WNK3: variants seen among roughly 807,000 people sequenced by gnomAD.
WNK3 encodes the protein WNK lysine deficient protein kinase 3.
Under a neutral mutation model 116.7 loss-of-function variants are expected in WNK3, and 18 were observed. The ratio of observed to expected loss-of-function variants is 0.15; its 90% CI spans 0.11 to 0.23. The LOEUF is 0.23. WNK3 is among the 10% of genes least tolerant of loss of function. The pLI is 1.00. For missense variants in WNK3, 993 were observed against 1,323.8 expected (o/e 0.75, Z 3.88); for synonymous variants, 404 against 469.4 (o/e 0.86, Z 1.80).
chrX:54,343,181 G>A (rs781859221), intron 1 of WNK3, among the ~76,000 whole-genome samples: 70 of 110,404 alleles, frequency 6.3e-4, no homozygotes, highest in South Asian at 1.2e-3. Context: ...GTATATGTGG[G>A]GCCATCGTGG....
At chrX:54,261,279 AAGAC>A (rs1314731647) in intron 10 of WNK3, among the ~76,000 whole-genome samples, 1 of 109,995 alleles carries the variant, frequency 9.1e-6, no homozygotes, top group Non-Finnish European at 1.9e-5. Context: ...GAAAAAGAAA[AAGAC>A]AAGACAAGAC....
chrX:54,316,472 G>A (rs1033446096), intron 2 of WNK3, among the ~76,000 whole-genome samples: 2 of 105,838 alleles, frequency 1.9e-5, no homozygotes, highest in Admixed American at 1.0e-4. Flanking sequence ...CCCAGGAGGC[G>A]GAGGTTGCAG....
At position 54,333,768 on chromosome X, in the gene WNK3, C is replaced by A. The variant is rs1270293411; in HGVS notation, c.-95G>T. 1.1e-5 allele frequency: 7 copies of A among 646,416 alleles called. No individual in the cohort carries two copies. In the East Asian group the frequency reaches 2.4e-4, roughly 22 times the overall value. The allele number at this position is 646,416 out of a possible 1,213,427, so 53.3% of individuals were successfully genotyped here. ...AATTATCAGAATGGACTTCCTTTTG[C>A]GTGGTCATGTATTTCCATAGCAACC... On this transcript the variant is annotated 5_prime_UTR_variant, in exon 2 of 24. Transcript: ENST00000354646.
At chrX:54,289,455 G>A (rs1569537983) in intron 10 of WNK3, among the ~76,000 whole-genome samples, 1 of 111,168 alleles carries the variant, frequency 9.0e-6, no homozygotes, top group Non-Finnish European at 1.9e-5. Context: ...TATTCCAGGG[G>A]CTGAATCACA....
At chrX:54,271,651 T>C (rs2068385213) in intron 10 of WNK3, among the ~76,000 whole-genome samples, 1 of 112,323 alleles carries the variant, frequency 8.9e-6, no homozygotes, top group Non-Finnish European at 1.9e-5. Context: ...ATAAAATTAT[T>C]TTAAAAAGCT....
At chrX:54,341,354 G>A (rs1412888901) in intron 1 of WNK3, among the ~76,000 whole-genome samples, 3 of 109,783 alleles carry the variant, frequency 2.7e-5, no homozygotes, top group African/African-American at 9.9e-5. Context: ...CCAAGATGGC[G>A]CCACTTCACT....
At chrX:54,228,854 C>T (rs1603377165) in intron 21 of WNK3, 111 bp from the exon 22 acceptor site, 7 of 379,764 alleles carry the variant, frequency 1.8e-5, no homozygotes, top group East Asian at 1.7e-4. Context: ...AGGGCATATA[C>T]GAAAACTTAC....
At chrX:54,230,044 C>T (rs1485882144) in intron 21 of WNK3, among the ~76,000 whole-genome samples, 4 of 111,296 alleles carry the variant, frequency 3.6e-5, no homozygotes, top group African/African-American at 1.3e-4. Context: ...CACAAACTTT[C>T]GCTCTGCCAA....
chrX:54,275,861 G>A (rs1557160619), intron 10 of WNK3, among the ~76,000 whole-genome samples: 1 of 110,641 alleles, frequency 9.0e-6, no homozygotes, highest in African/African-American at 3.3e-5. Context: ...ATATCATGTT[G>A]ACATTAAGCA....
At chrX:54,219,434 C>T (rs1278480722) in intron 22 of WNK3, among the ~76,000 whole-genome samples, 7 of 109,576 alleles carry the variant, frequency 6.4e-5, no homozygotes, top group Non-Finnish European at 1.1e-4. Flanking sequence ...AATCCCAGTA[C>T]TTTGGGAGGC....
At chrX:54,194,220 T>C (rs2067424634) in exon 24 of WNK3, 1 of 112,198 alleles carries the variant, frequency 8.9e-6, no homozygotes, top group Non-Finnish European at 1.9e-5. Flanking sequence ...AAGTCAATGC[T>C]TCCATAAACT....
At chrX:54,237,114 C>A in exon 20 of WNK3, 2 of 1,212,029 alleles carry the variant, frequency 1.7e-6, no homozygotes, top group Non-Finnish European at 2.2e-6. Context: ...TTGCCACTGA[C>A]TTTCCACTGC....
chrX:54,326,281 G>A (rs1470788348), intron 2 of WNK3, among the ~76,000 whole-genome samples: 4 of 110,459 alleles, frequency 3.6e-5, no homozygotes, highest in Admixed American at 9.7e-5. Flanking sequence ...TAGTAGAGAC[G>A]AGATTTCACT....
intron 22 of WNK3, among the ~76,000 whole-genome samples, chrX:54,203,527 A>C (rs952793102): frequency 8.9e-6 from 1 of 111,750 alleles, no homozygotes; most frequent in African/African-American, 3.2e-5. Context: ...AGAAGCTTCC[A>C]TATTAATACT....
chrX:54,222,207 T>C (rs782603901), intron 22 of WNK3, among the ~76,000 whole-genome samples: 38 of 109,677 alleles, frequency 3.5e-4, no homozygotes, highest in Non-Finnish European at 5.9e-4. Flanking sequence ...GCTTTTAAAT[T>C]AAGAAGCTCA....
In WNK3 at chrX:54,197,539, C is replaced by T. The variant is rs140620657; in HGVS notation, c.*785G>A. ...AGGAGTTTGAGACCAGTCTGGCCAA[C>T]ATAGTGAAACCCCATCCTCTACTAA... On this transcript the variant is annotated 3_prime_UTR_variant, in exon 24 of 24. Transcript: ENST00000354646. The T allele has an allele frequency of 4.2e-3, 459 of 110,027 alleles. 2 individuals carry two copies. The highest frequency in any genetic ancestry group is 9.6e-3 in the Middle Eastern group (2 of 209). The allele number at this position is 110,027 out of a possible 1,213,427, so 9.1% of individuals were successfully genotyped here. A position where few individuals can be genotyped will look rare whatever the true frequency, so the allele number is the denominator to read the frequency against.
exon 9 of WNK3, chrX:54,293,262 C>T (rs1174398203): frequency 4.1e-6 from 5 of 1,208,594 alleles, no homozygotes; most frequent in African/African-American, 3.5e-5. Context: ...GAATAGGCTA[C>T]ACTGGGCTGA....
intron 5 of WNK3, 23 bp from the exon 6 acceptor site, chrX:54,301,882 A>G: frequency 9.0e-7 from 1 of 1,108,890 alleles, no homozygotes; most frequent in African/African-American, 1.8e-5. Context: ...AATGGTTTCT[A>G]GTAACAATGA....
intron 20 of WNK3, among the ~76,000 whole-genome samples, chrX:54,235,277 A>G (rs1336519831): frequency 3.6e-5 from 4 of 111,841 alleles, no homozygotes; most frequent in Non-Finnish European, 7.5e-5. Flanking sequence ...GAACTTGACT[A>G]AAATCCAGCT....
Sources: gnomAD v4.1 joint callset for allele counts (sites outside exome capture counted in the v4.1 genomes callset) on GRCh38, gnomAD v4.1.1 for gene constraint, MANE v1.5 for transcripts, NCBI Gene and HGNC (gene_info 2026-07-23, HGNC 2026-07-21) for gene names.